The following OSBPL9 variants were observed in gnomAD, a reference collection of about 807,000 sequenced individuals.
OSBPL9 encodes oxysterol-binding protein-related protein 9.
Under a neutral mutation model 106.6 loss-of-function variants are expected in OSBPL9, and 40 were observed. The observed-to-expected ratio is 0.38, with a 90% CI of 0.29 to 0.49. OSBPL9 has a LOEUF of 0.49. Ranked by LOEUF, OSBPL9 falls within the 20% of genes least tolerant of loss-of-function variation. OSBPL9 has a pLI of 0.97. For missense variants in OSBPL9, 609 were observed against 887.2 expected (o/e 0.69, Z 3.98); for synonymous variants, 269 against 295.4 (o/e 0.91, Z 0.92).
At chr1:51,656,672 C>A (rs867109606) in intron 2 of OSBPL9, among the ~76,000 whole-genome samples, 2 of 148,882 alleles carry the variant, frequency 1.3e-5, no homozygotes, top group East Asian at 4.1e-4. Context: ...CGCTCTCCCC[C>A]CAACTTTTGA....
chr1:51,715,513 C>T (rs1477278406), intron 4 of OSBPL9, among the ~76,000 whole-genome samples: 5 of 152,058 alleles, frequency 3.3e-5, no homozygotes, highest in Non-Finnish European at 7.4e-5. Flanking sequence ...TGGTTTGTCT[C>T]GGCTCACTGC....
At chr1:51,741,563 CTCTT>C (rs540635504) in intron 4 of OSBPL9, among the ~76,000 whole-genome samples, 116 of 150,018 alleles carry the variant, frequency 7.7e-4, no homozygotes, top group Non-Finnish European at 1.0e-3. Context: ...CTCTTTCTCT[CTCTT>C]TCTTTCTTTT....
chr1:51,736,423 GATCATCT>G (rs1255704079), intron 4 of OSBPL9, among the ~76,000 whole-genome samples: 2 of 152,074 alleles, frequency 1.3e-5, no homozygotes, highest in Non-Finnish European at 2.9e-5. Context: ...GCCTGTGACT[GATCATCT>G]ATCTGTTAGT....
At chr1:51,551,673 G>A in the OSBPL9 span, among the ~76,000 whole-genome samples, 2 of 151,834 alleles carry the variant, frequency 1.3e-5, no homozygotes, top group Non-Finnish European at 2.9e-5. Flanking sequence ...TGCAACCTCC[G>A]CCTCCTGGGC....
At chr1:51,560,306 T>C in the OSBPL9 span, among the ~76,000 whole-genome samples, 2 of 152,364 alleles carry the variant, frequency 1.3e-5, no homozygotes, top group East Asian at 3.9e-4. Context: ...GACAGACCTA[T>C]GTTTGAATCG....
intron 3 of OSBPL9, among the ~76,000 whole-genome samples, chr1:51,698,448 G>T (rs958244611): frequency 6.6e-6 from 1 of 152,090 alleles, no homozygotes; most frequent in Non-Finnish European, 1.5e-5. Context: ...TGAAACGAAT[G>T]TTCCAGTTTA....
intron 1 of OSBPL9, among the ~76,000 whole-genome samples, chr1:51,590,987 C>T (rs1225008672): frequency 2.0e-5 from 3 of 148,116 alleles, no homozygotes; most frequent in African/African-American, 7.5e-5. Flanking sequence ...GGCGCGATCT[C>T]TGCTCACTGC....
chr1:51,544,221 T>C, the OSBPL9 span, among the ~76,000 whole-genome samples: 1 of 152,140 alleles, frequency 6.6e-6, no homozygotes, highest in South Asian at 2.1e-4. Context: ...TGAAGCTAGC[T>C]GTGGTGGCAC....
intron 2 of OSBPL9, among the ~76,000 whole-genome samples, chr1:51,602,240 C>T (rs941961590): frequency 6.6e-6 from 1 of 151,184 alleles, no homozygotes; most frequent in African/African-American, 2.4e-5. Context: ...GATCTCCTGA[C>T]CTCGTGATCC....
chr1:51,677,059 C>T (rs1651416896), intron 3 of OSBPL9, among the ~76,000 whole-genome samples: 1 of 152,180 alleles, frequency 6.6e-6, no homozygotes, highest in Non-Finnish European at 1.5e-5. Context: ...AGCTAAGTGG[C>T]AGAGCCAAGA....
chr1:51,666,411 G>A (rs1418214970), intron 2 of OSBPL9, among the ~76,000 whole-genome samples: 1 of 151,846 alleles, frequency 6.6e-6, no homozygotes. Context: ...GAAATTGCTT[G>A]GTGTTTTTAA....
intron 2 of OSBPL9, among the ~76,000 whole-genome samples, chr1:51,668,300 G>C (rs775393715): frequency 3.9e-5 from 6 of 152,078 alleles, no homozygotes; most frequent in Non-Finnish European, 7.4e-5. Flanking sequence ...AATTCCTGTT[G>C]TCTTCACAGA....
chr1:51,708,149 T>A (rs1283527370), intron 3 of OSBPL9: 1 of 179,424 alleles, frequency 5.6e-6, no homozygotes, highest in Non-Finnish European at 1.2e-5. Flanking sequence ...TTCACCATGG[T>A]GTCTCAGGGA....
chr1:51,699,980 TTC>T (rs1257473018), intron 3 of OSBPL9, among the ~76,000 whole-genome samples: 4 of 152,334 alleles, frequency 2.6e-5, no homozygotes, highest in African/African-American at 7.2e-5. Context: ...ACAGAAATAA[TTC>T]TGTTTTTTCC....
rs1363282521 is a variant in OSBPL9 at position 51,756,536 on chromosome 1, A to G, written c.582+178A>G. The G allele has an allele frequency of 5.0e-6, 3 of 595,268 alleles. No homozygotes were observed. In the African/African-American group the frequency reaches 5.6e-5, roughly 11 times the overall value. The allele number at this position is 595,268 out of a possible 1,614,324, so 36.9% of individuals were successfully genotyped here. A position where few individuals can be genotyped will look rare whatever the true frequency, so the allele number is the denominator to read the frequency against. ...CTTTCAGCAATCATTTGCAGGGGAA[A>G]TGACAATCTTAAAATTTTTCTAAGT... On this transcript the variant is annotated intron_variant, in intron 9 of 23. Coordinates refer to ENST00000428468, the MANE Select transcript of OSBPL9 (RefSeq NM_024586.6).
chr1:51,564,767 C>G, the OSBPL9 span, among the ~76,000 whole-genome samples: 22 of 152,314 alleles, frequency 1.4e-4, no homozygotes, highest in Non-Finnish European at 2.9e-4. Context: ...TGACAGTGCC[C>G]TGTTGATTTA....
intron 2 of OSBPL9, among the ~76,000 whole-genome samples, chr1:51,658,542 C>T (rs1646954107): frequency 6.6e-6 from 1 of 151,736 alleles, no homozygotes; most frequent in Non-Finnish European, 1.5e-5. Context: ...TTAGAGTGAC[C>T]CTCTTTTACT....
chr1:51,570,090 A>G, the OSBPL9 span, among the ~76,000 whole-genome samples: 1 of 152,192 alleles, frequency 6.6e-6, no homozygotes. Context: ...CTACAACTTT[A>G]CAAAACAAAG....
intron 1 of OSBPL9, among the ~76,000 whole-genome samples, chr1:51,584,357 C>T (rs1035324774): frequency 5.9e-5 from 9 of 152,120 alleles, no homozygotes; most frequent in African/African-American, 2.2e-4. Context: ...TTTAGGAAAA[C>T]CATCTTTTCT....
Sources: allele counts gnomAD v4.1 joint callset (sites outside exome capture counted in the v4.1 genomes callset), GRCh38; gene constraint gnomAD v4.1.1; transcripts MANE v1.5; gene names NCBI Gene and HGNC (gene_info 2026-07-23, HGNC 2026-07-21).